The following LRRC56 variants were observed in gnomAD, a reference collection of about 807,000 sequenced individuals.
LRRC56 encodes leucine-rich repeat-containing protein 56.
A neutral mutation model predicts 47.8 loss-of-function variants in LRRC56; 41 were observed. The ratio of observed to expected loss-of-function variants is 0.86; its 90% CI spans 0.67 to 1.11. LRRC56 has a LOEUF of 1.11. Ranked by LOEUF, LRRC56 falls within the 50% of genes most tolerant of loss-of-function variation. LRRC56 has a pLI of 0.00. For synonymous variants in LRRC56, 387 were observed against 311.2 expected (o/e 1.24, Z -2.56); for missense variants, 759 against 704.2 (o/e 1.08, Z -0.88).
the LRRC56 span, among the ~76,000 whole-genome samples, chr11:509,206 G>A: frequency 6.6e-6 from 1 of 152,116 alleles, no homozygotes; most frequent in African/African-American, 2.4e-5. Context: ...AACTCTCTAA[G>A]CTTTGGAGTC....
chr11:513,820 CAA>C, the LRRC56 span, among the ~76,000 whole-genome samples: 16 of 96,182 alleles, frequency 1.7e-4, no homozygotes, highest in African/African-American at 1.6e-4. Flanking sequence ...AACTCCATCT[CAA>C]AAAAAAAAAA....
the LRRC56 span, among the ~76,000 whole-genome samples, chr11:521,015 G>A: frequency 2.0e-5 from 3 of 152,186 alleles, no homozygotes; most frequent in South Asian, 6.2e-4. Context: ...CGATGCTCTC[G>A]TCTTGTCTGA....
chr11:507,608 G>A, the LRRC56 span, among the ~76,000 whole-genome samples: 4 of 152,318 alleles, frequency 2.6e-5, no homozygotes, highest in South Asian at 8.3e-4. Flanking sequence ...GGAATCGCAG[G>A]CGCGGGTCGG....
At chr11:531,800 CTG>C in the LRRC56 span, among the ~76,000 whole-genome samples, 1 of 152,228 alleles carries the variant, frequency 6.6e-6, no homozygotes, top group South Asian at 2.1e-4. Flanking sequence ...CCGAAGAAAA[CTG>C]GGCATGTGAA....
At chr11:534,006 C>T (rs992133771), upstream of LRRC56, 7 of 1,549,308 alleles carry the variant, frequency 4.5e-6, no homozygotes, top group South Asian at 1.1e-5. Context: ...TTCACACAGC[C>T]AGCCTCTCCC....
chr11:553,924 C>T, intron 13 of LRRC56, 39 bp from the exon 14 acceptor site: 2 of 1,586,068 alleles, frequency 1.3e-6, no homozygotes, highest in South Asian at 2.3e-5. Flanking sequence ...CCTTCCCTGA[C>T]AGCCTTTCTG....
chr11:547,318 T>A (rs993936763), intron 6 of LRRC56, among the ~76,000 whole-genome samples: 2 of 149,854 alleles, frequency 1.3e-5, no homozygotes, highest in Admixed American at 1.3e-4. Context: ...TGGCTGTACT[T>A]TTTTTTTTAG....
At chr11:542,590 A>AAAAAAAAAAAAAAAAC in intron 5 of LRRC56, among the ~76,000 whole-genome samples, 1 of 148,866 alleles carries the variant, frequency 6.7e-6, no homozygotes, top group Non-Finnish European at 1.5e-5. Flanking sequence ...CAAAAAAAAA[A>AAAAAAAAAAAAAAAAC]AAAAAAAAAA....
At chr11:534,409 G>T, upstream of LRRC56, 2 of 732,694 alleles carry the variant, frequency 2.7e-6, no homozygotes, top group Non-Finnish European at 4.0e-6. Flanking sequence ...CCAGGCCCAG[G>T]CCCAGCCCCA....
chr11:552,653 G>A lies in LRRC56; in HGVS notation c.1266G>A (p.Val422=). 3 of 1,611,732 alleles carry A rather than the reference G, an allele frequency of 1.9e-6. No individual in the cohort carries two copies. Among genetic ancestry groups the A allele is most frequent in the Non-Finnish European group, 2.5e-6 (3 of 1,179,328 alleles). The change falls in exon 13 of 14, where the codon GTG becomes GTA. Residue 422 remains valine, a synonymous_variant. Coordinates refer to ENST00000270115, the MANE Select transcript of LRRC56 (RefSeq NM_198075.4). ...WGPRRVPEEQ[V]HQAEPKTPSS... ...CACGGAGGGTCCCTGAAGAGCAAGT[G>A]CACCAGGCAGAGCCCAAGACTCCCT...
chr11:518,789 C>G, the LRRC56 span, among the ~76,000 whole-genome samples: 1 of 152,094 alleles, frequency 6.6e-6, no homozygotes, highest in East Asian at 1.9e-4. Context: ...GGAGAGGACT[C>G]GCGGCGCCCC....
At chr11:522,317 G>T in the LRRC56 span, among the ~76,000 whole-genome samples, 7 of 152,126 alleles carry the variant, frequency 4.6e-5, no homozygotes, top group African/African-American at 1.7e-4. Context: ...CCAGGCTGGA[G>T]TGCAGTGGCG....
In LRRC56 at chr11:537,770, C is replaced by T. The variant is rs200787111; in HGVS notation, c.-422+165C>T. Among the ~76,000 whole-genome samples, 34 of 152,320 alleles carry T rather than the reference C, an allele frequency of 2.2e-4. No homozygotes were observed. In the East Asian group the frequency reaches 6.0e-3, roughly 27 times the overall value. ...AGATCTGGTCCCCTGAGGACCCTTG[C>T]CTCCACCACCCCCTGGCCCTGCACT... On this transcript the variant is annotated intron_variant, in intron 1 of 13. Coordinates refer to ENST00000270115, the MANE Select transcript of LRRC56 (RefSeq NM_198075.4).
At chr11:514,285 C>T in the LRRC56 span, among the ~76,000 whole-genome samples, 1 of 151,212 alleles carries the variant, frequency 6.6e-6, no homozygotes, top group Non-Finnish European at 1.5e-5. Flanking sequence ...TGAGCCACCA[C>T]CCCCAGCCAT....
chr11:515,669 C>T, the LRRC56 span, among the ~76,000 whole-genome samples: 5 of 152,160 alleles, frequency 3.3e-5, no homozygotes, highest in Non-Finnish European at 5.9e-5. Flanking sequence ...GAAACCCCGT[C>T]TCTACTAAAA....
In LRRC56 at chr11:549,986, G is replaced by A. The variant is rs752744253; in HGVS notation, c.411G>A (p.Leu137=). The change falls in exon 7 of 14, where the codon TTG becomes TTA. Residue 137 remains leucine, a synonymous_variant. Transcript: ENST00000270115. ...GLADLDGIAS[L]PALKELYASY... ...CTGACCTGGATGGCATCGCCTCTTT[G>A]CCAGCACTTAAGGTGAGTCTGGGCA... 51 of 1,612,778 alleles carry A rather than the reference G, an allele frequency of 3.2e-5. No individual in the cohort carries two copies. Among genetic ancestry groups the A allele is most frequent in the Non-Finnish European group, 4.1e-5 (48 of 1,179,830 alleles).
the LRRC56 span, among the ~76,000 whole-genome samples, chr11:511,278 G>A: frequency 8.3e-5 from 12 of 145,340 alleles, no homozygotes; most frequent in East Asian, 1.4e-3. Flanking sequence ...CCAAGATCGC[G>A]CCACTGCACT....
chr11:517,587 C>T, the LRRC56 span, among the ~76,000 whole-genome samples: 1 of 151,100 alleles, frequency 6.6e-6, no homozygotes, highest in Admixed American at 6.6e-5. Context: ...GTGAGGAGCA[C>T]CTCTGCCCGG....
intron 5 of LRRC56, among the ~76,000 whole-genome samples, chr11:543,024 T>G (rs1168570279): frequency 6.6e-6 from 1 of 151,702 alleles, no homozygotes; most frequent in Non-Finnish European, 1.5e-5. Flanking sequence ...CCCGAGTAGC[T>G]GAGATTACAG....
Sources: allele counts gnomAD v4.1 joint callset (sites outside exome capture counted in the v4.1 genomes callset), GRCh38; gene constraint gnomAD v4.1.1; transcripts MANE v1.5; gene names NCBI Gene and HGNC (gene_info 2026-07-23, HGNC 2026-07-21).